MPP7: variants seen among roughly 807,000 people sequenced by gnomAD.
The protein encoded by MPP7 is MAGUK p55 scaffold protein 7.
A neutral mutation model predicts 76.5 loss-of-function variants in MPP7; 60 were observed. The observed-to-expected ratio is 0.78, with a 90% confidence interval of 0.64 to 0.97. The LOEUF (loss-of-function observed/expected upper bound fraction) is 0.97, where lower values mean the gene tolerates loss of function less well. Among genes scored for constraint, MPP7 ranks in the 50% least tolerant of loss-of-function variants. The pLI is 0.00. For synonymous variants in MPP7, 237 were observed against 244.5 expected (o/e 0.97, Z 0.29); for missense variants, 641 against 694.0 (o/e 0.92, Z 0.86).
rs1564741285 is a variant in MPP7 at position 28,262,212 on chromosome 10, TATATATATATATAC to T, written c.-131-23491_-131-23478del. Among the ~76,000 whole-genome samples, 4 of 57,546 alleles carry T rather than the reference TATATATATATATAC, an allele frequency of 7.0e-5. 1 individual carries two copies. The highest frequency in any genetic ancestry group is 2.5e-4 in the African/African-American group (3 of 11,778). The allele number at this position is 57,546 out of a possible 152,430, so 37.8% of individuals were successfully genotyped here. A position where few individuals can be genotyped will look rare whatever the true frequency, so the allele number is the denominator to read the frequency against. On this transcript the variant is annotated intron_variant, in intron 1 of 16. Transcript: ENST00000683449. ...ATATATATATATATATATATACATATATATATATATATACATATATATATATATATACATATATA... is the reference window on the plus strand; with the variant it reads ...ATATATATATATATATATATACATATATATATATATATATATACATATATA...
At chr10:28,089,633 T>C in intron 12 of MPP7, 38 bp downstream of exon 12, 1 of 1,577,220 alleles carries the variant, frequency 6.3e-7, no homozygotes, top group Non-Finnish European at 8.6e-7. Context: ...ACTAGCTCAC[T>C]CATTTCCTCA....
intron 3 of MPP7, among the ~76,000 whole-genome samples, chr10:28,186,462 T>C (rs996826898): frequency 5.3e-5 from 8 of 152,172 alleles, no homozygotes; most frequent in African/African-American, 1.9e-4. Flanking sequence ...AAAACAAGGA[T>C]AGCCTCCAAG....
At chr10:28,088,938 C>A (rs529315766) in intron 12 of MPP7, among the ~76,000 whole-genome samples, 1 of 152,092 alleles carries the variant, frequency 6.6e-6, no homozygotes, top group Non-Finnish European at 1.5e-5. Flanking sequence ...TGCAGTGGCG[C>A]GATCTTGGCT....
At chr10:28,190,875 T>G (rs1208655547) in intron 3 of MPP7, among the ~76,000 whole-genome samples, 3 of 151,682 alleles carry the variant, frequency 2.0e-5, no homozygotes, top group Non-Finnish European at 4.4e-5. Flanking sequence ...AAATGATTAA[T>G]AAAATTGATA....
chr10:28,216,664 C>T (rs1838319295), intron 2 of MPP7, among the ~76,000 whole-genome samples: 1 of 152,182 alleles, frequency 6.6e-6, no homozygotes, highest in Non-Finnish European at 1.5e-5. Context: ...AATAAACACA[C>T]ACACTGGAGA....
At position 28,150,007 on chromosome 10, in the gene MPP7, T is replaced by C. The variant is rs1835829350; in HGVS notation, c.209A>G (p.His70Arg). Residue 70 changes from histidine (H) to arginine (R), a missense_variant, in exon 4 of 17, where the codon CAT (histidine) becomes CGT (arginine). By Grantham distance (29) the His-to-Arg change is conservative (BLOSUM62 0). Coordinates refer to ENST00000683449, the MANE Select transcript of MPP7 (RefSeq NM_001318170.2). ...ATCATCGGCCAAGGCCGCCGCACCA[T>C]GGAGAATGGGCACCGGACTCTGCTT... ...YEKQSPVPILHGAAALADDLA... is the reference protein window; with the variant it reads ...YEKQSPVPILRGAAALADDLA... 1 of 1,613,732 alleles carries C rather than the reference T, an allele frequency of 6.2e-7. No homozygotes were observed. The highest frequency in any genetic ancestry group is 8.5e-7 in the Non-Finnish European group (1 of 1,179,912).
chr10:28,208,953 A>C (rs1359438564), intron 2 of MPP7, among the ~76,000 whole-genome samples: 1 of 152,088 alleles, frequency 6.6e-6, no homozygotes, highest in East Asian at 1.9e-4. Context: ...GCTGTCCTCA[A>C]GACAGTGAGT....
chr10:28,107,301 G>T (rs1056585682), intron 11 of MPP7, among the ~76,000 whole-genome samples: 1 of 152,118 alleles, frequency 6.6e-6, no homozygotes, highest in African/African-American at 2.4e-5. Flanking sequence ...TTCAGGCTAC[G>T]ATGATCACCA....
At chr10:28,259,839 C>T (rs867653203) in intron 1 of MPP7, among the ~76,000 whole-genome samples, 1 of 152,068 alleles carries the variant, frequency 6.6e-6, no homozygotes, top group Admixed American at 6.6e-5. Context: ...AAAAATTAGC[C>T]AGGCACGGTG....
intron 3 of MPP7, among the ~76,000 whole-genome samples, chr10:28,183,945 G>T (rs1304514998): frequency 6.6e-6 from 1 of 152,074 alleles, no homozygotes; most frequent in African/African-American, 2.4e-5. Flanking sequence ...GATAATGATG[G>T]TGACTTAATA....
chr10:28,135,787 G>A (rs576134176), intron 5 of MPP7, among the ~76,000 whole-genome samples: 73 of 152,242 alleles, frequency 4.8e-4, no homozygotes, highest in African/African-American at 1.6e-3. Flanking sequence ...ATAAGCCTCT[G>A]AAAGATCAAA....
At chr10:28,312,777 C>T (rs921734084) in intron 2 of MPP7, among the ~76,000 whole-genome samples, 1 of 152,182 alleles carries the variant, frequency 6.6e-6, no homozygotes, top group East Asian at 1.9e-4. Flanking sequence ...GCATCGCAAG[C>T]AAAGTGACTC....
intron 3 of MPP7, 128 bp downstream of exon 3, chr10:28,202,025 G>A (rs1025849331): frequency 3.4e-5 from 23 of 681,148 alleles, no homozygotes; most frequent in African/African-American, 1.1e-4. Context: ...TTCCACGCCC[G>A]TCGGTGAATG....
At chr10:28,215,418 TGCA>T (rs1307645279) in intron 2 of MPP7, among the ~76,000 whole-genome samples, 1 of 151,936 alleles carries the variant, frequency 6.6e-6, no homozygotes, top group Non-Finnish European at 1.5e-5. Context: ...TGAAAATAAA[TGCA>T]AAGTGACAAC....
intron 2 of MPP7, among the ~76,000 whole-genome samples, chr10:28,309,932 C>CCAGAAACTGAG (rs1479818281): frequency 1.3e-5 from 2 of 152,016 alleles, no homozygotes; most frequent in Admixed American, 6.6e-5. Flanking sequence ...GGAGGCCGCC[C>CCAGAAACTGAG]CAGAAACTGA....
intron 1 of MPP7, among the ~76,000 whole-genome samples, chr10:28,246,046 A>G (rs995186919): frequency 2.6e-5 from 4 of 152,148 alleles, no homozygotes; most frequent in African/African-American, 9.7e-5. Context: ...GAACAGAGAA[A>G]GGGACATGGC....
chr10:28,334,651 C>A (rs941711051), upstream of MPP7, among the ~76,000 whole-genome samples: 4 of 152,166 alleles, frequency 2.6e-5, no homozygotes, highest in African/African-American at 7.2e-5. Flanking sequence ...AATATTAACA[C>A]TTTCCCTTTA....
At chr10:28,273,680 C>T (rs1267304630) in intron 1 of MPP7, among the ~76,000 whole-genome samples, 4 of 152,220 alleles carry the variant, frequency 2.6e-5, no homozygotes, top group Non-Finnish European at 4.4e-5. Flanking sequence ...AGGACTATCA[C>T]AAAATGCAAA....
chr10:28,319,059 G>A (rs1241777314), intron 2 of MPP7, among the ~76,000 whole-genome samples: 1 of 152,170 alleles, frequency 6.6e-6, no homozygotes, highest in African/African-American at 2.4e-5. Context: ...AGTTTTAATT[G>A]GCTCACAGTT....
Sources: allele counts gnomAD v4.1 joint callset (sites outside exome capture counted in the v4.1 genomes callset), GRCh38; gene constraint gnomAD v4.1.1; transcripts MANE v1.5; gene names NCBI Gene and HGNC (gene_info 2026-07-23, HGNC 2026-07-21).